Variants in CENPE observed in about 807,000 individuals in gnomAD.
CENPE encodes centromere-associated protein E.
In CENPE, 145 loss-of-function variants were observed where a neutral mutation model predicts 336.1. That is an observed-to-expected ratio of 0.43 (90% CI 0.38 to 0.50). The LOEUF (loss-of-function observed/expected upper bound fraction) is 0.50, where lower values mean the gene tolerates loss of function less well. CENPE is among the 20% of genes least tolerant of loss of function. The pLI is 0.00. For synonymous variants in CENPE, 1,013 were observed against 984.8 expected (o/e 1.03, Z -0.54); for missense variants, 2,719 against 3,023.3 (o/e 0.90, Z 2.36).
chr4:103,160,478 T>C, intron 21 of CENPE, 147 bp downstream of exon 21: 1 of 570,330 alleles, frequency 1.8e-6, no homozygotes, highest in East Asian at 3.2e-5. Context: ...ATGAACTATA[T>C]TCATTTCTAT....
rs1030758317 is a variant in CENPE, at chr4:103,148,910, A to T, written c.3777T>A (p.Ser1259=). 1 of 1,613,528 alleles carries T rather than the reference A, an allele frequency of 6.2e-7. No individual in the cohort carries two copies. ...ETIDELRRSV[S]EKTAQIINTQ... is the part of the protein sequence containing the mutation. ...TATTTATTATTTGAGCTGTCTTCTC[A>T]GATACGCTTCTTCTTAGTTCATCAA... The change falls in exon 28 of 49, where the codon TCT becomes TCA. Residue 1259 remains serine, a synonymous_variant. Transcript: ENST00000265148.
chr4:103,136,475 A>G, intron 39 of CENPE, 116 bp from the exon 40 acceptor site: 1 of 632,214 alleles, frequency 1.6e-6, no homozygotes, highest in South Asian at 2.6e-5. Flanking sequence ...GTAGGAGAGA[A>G]ATAAAGACCT....
At chr4:103,114,801 T>A (rs759857837) in intron 45 of CENPE, among the ~76,000 whole-genome samples, 18 of 152,248 alleles carry the variant, frequency 1.2e-4, no homozygotes, top group Non-Finnish European at 2.4e-4. Flanking sequence ...CCAGTTCTTT[T>A]AAAGCTTCTG....
chr4:103,135,733 T>C (rs763560226), intron 40 of CENPE, among the ~76,000 whole-genome samples: 5 of 150,666 alleles, frequency 3.3e-5, no homozygotes, highest in Middle Eastern at 6.9e-3. Flanking sequence ...CTTAAAACAA[T>C]AGTCTAATGA....
In CENPE at chr4:103,111,007, T is replaced by C. The variant is rs1187712696; in HGVS notation, c.7545A>G (p.Ile2515Met). 1.3e-6 allele frequency: 2 copies of C among 1,573,086 alleles called. No individual in the cohort carries two copies. The highest frequency in any genetic ancestry group is 2.3e-5 in the East Asian group (1 of 44,094). ...AAGGCTGAGGATCAGTATGTTCTGA[T>C]ATCACTGTGGGAGGAAAATATACAA... ...RSQQAQDTSV[I>M]SEHTDPQPSN... Residue 2515 changes from isoleucine to methionine, a missense_variant, in exon 47 of 49, where the codon ATA (isoleucine) becomes ATG (methionine). Around this residue, in one of 5 missense-constraint regions of CENPE, gnomAD observed 2,437 missense variants for 2,513.3 expected, o/e 0.97. Transcript: ENST00000265148.
chr4:103,191,657 GGGA>G (rs899256148), intron 8 of CENPE, among the ~76,000 whole-genome samples: 4 of 140,452 alleles, frequency 2.8e-5, no homozygotes, highest in Non-Finnish European at 6.2e-5. Context: ...GTGGGGTGGG[GGGA>G]GGGGGGGATA....
intron 16 of CENPE, among the ~76,000 whole-genome samples, chr4:103,170,876 CAG>C (rs1201262618): frequency 2.6e-5 from 4 of 151,972 alleles, no homozygotes; most frequent in African/African-American, 9.7e-5. Context: ...TGTAAGAGAG[CAG>C]GAGAAGCTAT....
chr4:103,125,159 TAAAAAAGGCATTGTTCCTTATTTCAAC>T (rs1750983855), intron 42 of CENPE, among the ~76,000 whole-genome samples: 1 of 152,178 alleles, frequency 6.6e-6, no homozygotes, highest in African/African-American at 2.4e-5. Flanking sequence ...GAAAACTTTT[TAAAAAAGGCATTGTTCCTTATTTCAAC>T]AAGATTCCAA....
rs1752657220 is a variant in CENPE at position 103,142,603 on chromosome 4, G to C, written c.5304+645C>G. ...TCCTGAAGGTTTTCATGAAGCTTCT[G>C]AGTCAATCTTAATTTCTGCGTTTCT... On this transcript the variant is annotated intron_variant, in intron 34 of 48. Coordinates refer to ENST00000265148, the MANE Select transcript of CENPE (RefSeq NM_001813.3). 2.0e-5 allele frequency among the ~76,000 whole-genome samples: 3 copies of C among 152,144 alleles called. 1 individual carries two copies. Among genetic ancestry groups the C allele is most frequent in the African/African-American group, 7.2e-5 (3 of 41,416 alleles).
chr4:103,190,368 C>T (rs999714639), intron 8 of CENPE, among the ~76,000 whole-genome samples: 3 of 152,314 alleles, frequency 2.0e-5, no homozygotes, highest in Middle Eastern at 3.4e-3. Context: ...AAGCTGGAGG[C>T]ATCATGCTAC....
In CENPE at chr4:103,158,355, C is replaced by T; in HGVS notation, c.2978G>A (p.Arg993Lys). The T allele has an allele frequency of 6.2e-7, 1 of 1,609,956 alleles. No individual in the cohort carries two copies. Among genetic ancestry groups the T allele is most frequent in the Non-Finnish European group, 8.5e-7 (1 of 1,178,174 alleles). ...LKSKISEEVS[R>K]NLHMEENTGE... ...TGTATTTTCCTCCATATGCAAATTC[C>T]TGGAAACTTCCTCAGAAATTTTCGA... is the stretch of plus-strand genomic sequence containing the variant. The change falls in exon 24 of 49, where the codon AGG (arginine) becomes AAG (lysine). Residue 993 changes from arginine (R) to lysine (K), a missense_variant. Physicochemically the swap from Arg to Lys is conservative, Grantham distance 26. Transcript: ENST00000265148.
chr4:103,165,015 G>T (rs966109519), intron 16 of CENPE, among the ~76,000 whole-genome samples: 22 of 152,076 alleles, frequency 1.4e-4, no homozygotes, highest in Admixed American at 3.3e-4. Context: ...ATTTAGAAAA[G>T]AAAATTTTCC....
Position 103,139,857 on chromosome 4 carries a change from T to G in CENPE, c.6136A>C (p.Arg2046=), listed in dbSNP as rs757855147. 3.1e-6 allele frequency: 5 copies of G among 1,613,164 alleles called. No individual in the cohort carries two copies. Among genetic ancestry groups the G allele is most frequent in the Non-Finnish European group, 4.2e-6 (5 of 1,179,486 alleles). Residue 2046 remains arginine (R), a synonymous_variant, in exon 38 of 49, where the codon AGG becomes CGG. Transcript: ENST00000265148. ...TCCATTTTGAGAGATTCTTTTATCC[T>G]CCTTAGCTCATCTCTTTCTTTAGCT... ...IVAKERDELR[R]IKESLKMERD...
intron 42 of CENPE, among the ~76,000 whole-genome samples, chr4:103,124,334 T>G (rs904658894): frequency 6.6e-5 from 10 of 152,224 alleles, no homozygotes; most frequent in African/African-American, 2.4e-4. Context: ...AGATGTTGGA[T>G]GTGGATGATG....
intron 35 of CENPE, 127 bp downstream of exon 35, chr4:103,141,623 G>A (rs1752568067): frequency 1.6e-6 from 1 of 617,064 alleles, no homozygotes; most frequent in Non-Finnish European, 2.8e-6. Flanking sequence ...GCCTCAGGCA[G>A]GCTACATCCA....
In CENPE at chr4:103,106,053, T is replaced by C. The variant is rs1419804236; in HGVS notation, c.*169A>G. The C allele has an allele frequency of 2.5e-5, 10 of 402,006 alleles. No individual in the cohort carries two copies. In the East Asian group the frequency reaches 3.6e-4, roughly 14 times the overall value. 24.9% of individuals were successfully genotyped at this position (402,006 alleles called of 1,614,324 possible). A position where few individuals can be genotyped will look rare whatever the true frequency, so the allele number is the denominator to read the frequency against. On this transcript the variant is annotated 3_prime_UTR_variant, in exon 49 of 49. Transcript: ENST00000265148. The stretch of plus-strand genomic sequence containing the variant: ...AGGTATTGCTATCACCATTCTAAAT[T>C]ACCACAATGCATTCATTTCCTGTTC...
At position 103,147,482 on chromosome 4, in the gene CENPE, T is replaced by A; in HGVS notation, c.4008A>T (p.Lys1336Asn). 6.2e-7 allele frequency: 1 copy of A among 1,614,126 alleles called. No homozygotes were observed. The highest frequency in any genetic ancestry group is 8.5e-7 in the Non-Finnish European group (1 of 1,180,030). Residue 1336 changes from lysine to asparagine, a missense_variant, in exon 29 of 49, where the codon AAA becomes AAT. By Grantham distance (94) the Lys-to-Asn change is moderately conservative. Coordinates refer to ENST00000265148, the MANE Select transcript of CENPE (RefSeq NM_001813.3). ...IEMERLRLNE[K>N]FQESQEEIKS... Reference sequence around the variant, plus strand: ...TTATCTCTTCCTGACTTTCTTGAAATTTTTCATTCAACCTGAGCCTTTCCA... The same window carrying A: ...TTATCTCTTCCTGACTTTCTTGAAAATTTTCATTCAACCTGAGCCTTTCCA...
At chr4:103,169,439 T>C (rs1755210711) in intron 16 of CENPE, among the ~76,000 whole-genome samples, 1 of 152,052 alleles carries the variant, frequency 6.6e-6, no homozygotes, top group Non-Finnish European at 1.5e-5. Context: ...AGGTTACCAA[T>C]CAAATTCAAT....
intron 39 of CENPE, 49 bp from the exon 40 acceptor site, chr4:103,136,408 C>T (rs1279288474): frequency 7.7e-7 from 1 of 1,296,588 alleles, no homozygotes; most frequent in South Asian, 1.3e-5. Context: ...ATTCTAATAT[C>T]ACAATAAGTA....
Sources: gnomAD v4.1 joint callset for allele counts (sites outside exome capture counted in the v4.1 genomes callset) on GRCh38, gnomAD v4.1.1 for gene constraint, gnomAD v4.1.1 regional missense constraint, MANE v1.5 for transcripts, NCBI Gene and HGNC (gene_info 2026-07-23, HGNC 2026-07-21) for gene names.